EVA1A: variants seen among roughly 807,000 people sequenced by gnomAD.
EVA1A encodes eva-1 homolog A, regulator of programmed cell death.
In EVA1A, 7 loss-of-function variants were observed where a neutral mutation model predicts 9.8. That is an observed-to-expected ratio of 0.71 (90% CI 0.41 to 1.34). EVA1A has a LOEUF of 1.34. Ranked by LOEUF, EVA1A falls within the 40% of genes most tolerant of loss-of-function variation. The pLI is 0.01. For synonymous variants in EVA1A, 90 were observed against 85.6 expected, an observed-to-expected ratio of 1.05 and a Z score of -0.28; for missense variants, 206 against 205.9, an observed-to-expected ratio of 1.00 and a Z score of 0.00.
Position 75,493,589 on chromosome 2 carries a change from G to C in EVA1A, c.106C>G (p.Leu36Val), listed in dbSNP as rs369120834. 2 of 1,598,450 alleles carry C rather than the reference G, an allele frequency of 1.3e-6. No homozygotes were observed. The highest frequency in any genetic ancestry group is 1.7e-6 in the Non-Finnish European group (2 of 1,170,520). Residue 36 changes from leucine to valine, a missense_variant, in exon 4 of 4, where the codon CTG (leucine) becomes GTG (valine). Leu to Val is a conservative substitution (Grantham distance 32). Coordinates refer to ENST00000393913, the MANE Select transcript of EVA1A (RefSeq NM_001135032.2). ...FVSENPERAA[L>V]YFVSGVCIGL... Reference sequence around the variant, plus strand: ...ATGCACACGCCAGAAACAAAGTACAGAGCTGCTCGCTCAGGATTTTCTGGA... The same window carrying C: ...ATGCACACGCCAGAAACAAAGTACACAGCTGCTCGCTCAGGATTTTCTGGA...
At chr2:75,509,873 C>G (rs1674750208) in intron 3 of EVA1A, among the ~76,000 whole-genome samples, 1 of 151,576 alleles carries the variant, frequency 6.6e-6, no homozygotes, top group Non-Finnish European at 1.5e-5. Context: ...TAAGATTGTA[C>G]CTTTCAATGT....
chr2:75,517,062 T>C (rs1299744684), intron 3 of EVA1A, among the ~76,000 whole-genome samples: 2 of 152,104 alleles, frequency 1.3e-5, no homozygotes, highest in African/African-American at 4.8e-5. Flanking sequence ...AACAAGACCC[T>C]GAGCAGTCCT....
chr2:75,535,181 C>T (rs557217671), intron 1 of EVA1A, among the ~76,000 whole-genome samples: 1 of 150,456 alleles, frequency 6.6e-6, no homozygotes, highest in South Asian at 2.1e-4. Flanking sequence ...AAAAAATGCT[C>T]AACATCACTT....
At chr2:75,506,980 G>A (rs1291604237) in intron 3 of EVA1A, among the ~76,000 whole-genome samples, 1 of 152,206 alleles carries the variant, frequency 6.6e-6, no homozygotes, top group African/African-American at 2.4e-5. Context: ...TCAAGTTGAA[G>A]CATCAGCAAA....
chr2:75,544,340 C>T (rs1010535851), intron 1 of EVA1A, among the ~76,000 whole-genome samples: 2 of 152,124 alleles, frequency 1.3e-5, no homozygotes, highest in African/African-American at 4.8e-5. Flanking sequence ...CTAAACTATA[C>T]GGTAATATGT....
intron 3 of EVA1A, among the ~76,000 whole-genome samples, chr2:75,501,971 G>C (rs180877214): frequency 1.3e-5 from 2 of 152,292 alleles, no homozygotes; most frequent in Admixed American, 1.3e-4. Context: ...ACCCAAGGAA[G>C]ACAATTCCCC....
rs1299227106 is a variant in EVA1A at position 75,558,183 on chromosome 2, T to TGAACCATGTCCTG, written c.-192+2484_-192+2496dup. Among the ~76,000 whole-genome samples the TGAACCATGTCCTG allele has an allele frequency of 1.5e-4, 23 of 152,340 alleles. No homozygotes were observed. The South Asian group carries it at 3.9e-3, about 26-fold the overall frequency. On this transcript the variant is annotated intron_variant, in intron 1 of 3. Coordinates refer to ENST00000393913, the MANE Select transcript of EVA1A (RefSeq NM_001135032.2). ...GTAAAAATGTATAAAATGCTAAACTTGAACCATGTCCTGGAATTAGGTAGG... is the reference window on the plus strand; with the variant it reads ...GTAAAAATGTATAAAATGCTAAACTTGAACCATGTCCTGGAACCATGTCCTGGAATTAGGTAGG...
chr2:75,529,287 C>T (rs35744734), intron 1 of EVA1A, among the ~76,000 whole-genome samples: 23,551 of 152,108 alleles, frequency 0.15, 1,911 homozygotes, highest in African/African-American at 0.18. Flanking sequence ...TAGACAGCAA[C>T]ACAATAATAG....
At chr2:75,517,855 C>T in intron 3 of EVA1A, 1 of 742,016 alleles carries the variant, frequency 1.3e-6, no homozygotes, top group Non-Finnish European at 2.5e-6. Context: ...CTCTTAGAAC[C>T]CTTCATTTTT....
intron 1 of EVA1A, among the ~76,000 whole-genome samples, chr2:75,535,521 A>C (rs923383463): frequency 5.3e-5 from 8 of 152,232 alleles, no homozygotes; most frequent in Non-Finnish European, 1.0e-4. Context: ...CACAATTGCA[A>C]GATATGGAAT....
chr2:75,544,912 T>G (rs530593742), intron 1 of EVA1A, among the ~76,000 whole-genome samples: 237 of 152,336 alleles, frequency 1.6e-3, no homozygotes, highest in African/African-American at 5.6e-3. Context: ...TTGCATGTTG[T>G]ACAGTCAATA....
At chr2:75,504,992 C>A (rs906064156) in intron 3 of EVA1A, among the ~76,000 whole-genome samples, 1 of 152,158 alleles carries the variant, frequency 6.6e-6, no homozygotes. Context: ...CTCATTTCAT[C>A]CCCTTCCACA....
intron 3 of EVA1A, among the ~76,000 whole-genome samples, chr2:75,511,724 G>A (rs1314176320): frequency 6.6e-6 from 1 of 152,060 alleles, no homozygotes; most frequent in African/African-American, 2.4e-5. Context: ...TAATTATTTG[G>A]TTATTGAGCC....
chr2:75,503,452 AAG>A (rs1674502161), intron 3 of EVA1A, among the ~76,000 whole-genome samples: 1 of 152,184 alleles, frequency 6.6e-6, no homozygotes, highest in Non-Finnish European at 1.5e-5. Flanking sequence ...CACGGGCAGG[AAG>A]AGGCCCTATG....
intron 2 of EVA1A, among the ~76,000 whole-genome samples, 166 bp from the exon 3 acceptor site, chr2:75,518,374 G>A (rs1458579614): frequency 6.6e-6 from 1 of 152,056 alleles, no homozygotes; most frequent in Non-Finnish European, 1.5e-5. Context: ...ACTTTTTTGG[G>A]GGTATAGCTT....
intron 1 of EVA1A, among the ~76,000 whole-genome samples, chr2:75,525,236 C>G (rs1228421825): frequency 6.6e-6 from 1 of 152,146 alleles, no homozygotes; most frequent in African/African-American, 2.4e-5. Context: ...ATCTACTGCC[C>G]TTATCTCCTT....
chr2:75,559,717 T>TGGGGG (rs1457049048), intron 1 of EVA1A, among the ~76,000 whole-genome samples: 2 of 52,780 alleles, frequency 3.8e-5, no homozygotes, highest in African/African-American at 1.7e-4. Context: ...GCGGGGGAGT[T>TGGGGG]GGGGGGACGG....
intron 1 of EVA1A, among the ~76,000 whole-genome samples, chr2:75,525,932 T>G (rs1675422244): frequency 6.6e-6 from 1 of 152,212 alleles, no homozygotes; most frequent in South Asian, 2.1e-4. Flanking sequence ...GTTTCTAACT[T>G]TAACACACTG....
chr2:75,515,545 A>G (rs1674973244), intron 3 of EVA1A, among the ~76,000 whole-genome samples: 1 of 152,232 alleles, frequency 6.6e-6, no homozygotes, highest in Admixed American at 6.5e-5. Flanking sequence ...CCAAAGAGAA[A>G]TCCAATCAGA....
Sources: allele counts gnomAD v4.1 joint callset (sites outside exome capture counted in the v4.1 genomes callset), GRCh38; gene constraint gnomAD v4.1.1; transcripts MANE v1.5; gene names NCBI Gene and HGNC (gene_info 2026-07-23, HGNC 2026-07-21).